GSDME: variants seen among roughly 807,000 people sequenced by gnomAD.
The protein encoded by GSDME is gasdermin E.
Under a neutral mutation model 47.5 loss-of-function variants are expected in GSDME, and 44 were observed. The ratio of observed to expected loss-of-function variants is 0.93; its 90% confidence interval spans 0.73 to 1.19. The LOEUF (loss-of-function observed/expected upper bound fraction) is 1.19, where lower values mean the gene tolerates loss of function less well. Ranked by LOEUF, GSDME falls within the 50% of genes most tolerant of loss-of-function variation. The pLI is 0.00. For missense variants in GSDME, 663 were observed against 604.2 expected (o/e 1.10, Z -1.02); for synonymous variants, 258 against 252.8 (o/e 1.02, Z -0.20).
At chr7:24,774,853 G>C in the GSDME span, among the ~76,000 whole-genome samples, 1 of 152,130 alleles carries the variant, frequency 6.6e-6, no homozygotes, top group Non-Finnish European at 1.5e-5. Flanking sequence ...TTTCTTTAGA[G>C]CTGATGCAGA....
rs1206819712 is a variant in GSDME at position 24,728,790 on chromosome 7, C to T, written c.405-9572G>A. 6.6e-6 allele frequency among the ~76,000 whole-genome samples: 1 copy of T among 152,224 alleles called. No homozygotes were observed. Among genetic ancestry groups the T allele is most frequent in the Non-Finnish European group, 1.5e-5 (1 of 68,052 alleles). ...CCACACATCAGAGATGCTCAGCCCA[C>T]AGCCGGGGGCAGGAAATCTCTAGAA... is the stretch of plus-strand genomic sequence containing the variant. On this transcript the variant is annotated intron_variant, in intron 3 of 9. Transcript: ENST00000645220. The surrounding 1 kb of genome is among the most constrained non-coding windows in gnomAD (Gnocchi z 7.2).
intron 3 of GSDME, among the ~76,000 whole-genome samples, chr7:24,720,223 A>C (rs1789726056): frequency 6.6e-6 from 1 of 152,246 alleles, no homozygotes; most frequent in Admixed American, 6.5e-5. Flanking sequence ...TTTACAGGAG[A>C]TGATTTCATG....
chr7:24,738,879 G>A (rs1790394952), intron 3 of GSDME, among the ~76,000 whole-genome samples: 1 of 152,138 alleles, frequency 6.6e-6, no homozygotes, highest in Admixed American at 6.5e-5. Flanking sequence ...GCATACATTG[G>A]GGAAAGGATA....
At chr7:24,723,751 T>C (rs1327016196) in intron 3 of GSDME, among the ~76,000 whole-genome samples, 3 of 152,246 alleles carry the variant, frequency 2.0e-5, no homozygotes, top group Non-Finnish European at 2.9e-5. Context: ...ACCCTTGGGC[T>C]GTACTAGGAA....
At chr7:24,792,652 G>A in the GSDME span, among the ~76,000 whole-genome samples, 1 of 152,136 alleles carries the variant, frequency 6.6e-6, no homozygotes, top group Non-Finnish European at 1.5e-5. Context: ...AGTTTGGTAG[G>A]GTTTTCCCCT....
Position 24,744,771 on chromosome 7 carries a change from G to A in GSDME, c.212-17C>T, listed in dbSNP as rs139651644. ...CCACGACCACTGGAATGGAGGAGAC[G>A]AGCAGAGGAAGCCGATGATGATAAG... On this transcript the variant is annotated splice_polypyrimidine_tract_variant and intron_variant, in intron 2 of 9. Transcript: ENST00000645220. The surrounding 1 kb of genome is among the most constrained non-coding windows in gnomAD (Gnocchi z 4.5). 1.9e-4 allele frequency: 310 copies of A among 1,613,636 alleles called. 1 individual carries two copies. In the East Asian group the frequency reaches 5.1e-3, roughly 26 times the overall value.
Position 24,720,681 on chromosome 7 carries a change from C to T in GSDME, c.405-1463G>A, listed in dbSNP as rs11973836. On this transcript the variant is annotated intron_variant, in intron 3 of 9. Transcript: ENST00000645220. ...CTGTAATCCCAGCACTTTGGGAGGCCGAGGCAGGTGGATCACCTGAGGTCG... is the reference window on the plus strand; with the variant it reads ...CTGTAATCCCAGCACTTTGGGAGGCTGAGGCAGGTGGATCACCTGAGGTCG... Among the ~76,000 whole-genome samples the T allele has an allele frequency of 3.7e-3, 563 of 152,228 alleles. 3 individuals are homozygous for T. The highest frequency in any genetic ancestry group is 0.031 in the Middle Eastern group (9 of 294).
upstream of GSDME, among the ~76,000 whole-genome samples, chr7:24,762,334 T>C (rs1051574911): frequency 6.6e-6 from 1 of 151,844 alleles, no homozygotes; most frequent in African/African-American, 2.4e-5. Context: ...CCATTGTTCA[T>C]GGAGAAACAT....
rs1487884841 is a variant in GSDME at position 24,705,753 on chromosome 7, A to G, written c.1183+431T>C. 1 of 321,242 alleles carries G rather than the reference A, an allele frequency of 3.1e-6. No individual in the cohort carries two copies. Among genetic ancestry groups the G allele is most frequent in the Admixed American group, 4.4e-5 (1 of 22,888 alleles). The allele number at this position is 321,242 out of a possible 1,614,324, so 19.9% of individuals were successfully genotyped here. On this transcript the variant is annotated intron_variant, in intron 8 of 9. Transcript: ENST00000645220. The surrounding 1 kb of genome is among the most constrained non-coding windows in gnomAD (Gnocchi z 4.1). ...TCTCCACAGCCCCCTTGCCCCAGACAGGAGCACGCAGGGTGGGGAATAACA... is the reference window on the plus strand; with the variant it reads ...TCTCCACAGCCCCCTTGCCCCAGACGGGAGCACGCAGGGTGGGGAATAACA...
chr7:24,707,823 G>T, intron 7 of GSDME: 1 of 541,286 alleles, frequency 1.8e-6, no homozygotes, highest in African/African-American at 1.9e-5. Flanking sequence ...AGATCCTCTG[G>T]GGGAAGTGTG....
chr7:24,723,547 C>G (rs920454438), intron 3 of GSDME, among the ~76,000 whole-genome samples: 2 of 152,160 alleles, frequency 1.3e-5, no homozygotes, highest in African/African-American at 4.8e-5. Flanking sequence ...TGGGTTTCTT[C>G]AACTGCTAAT....
rs532416392 is a variant in GSDME, at chr7:24,742,153, A to C, written c.404+2409T>G. Among the ~76,000 whole-genome samples the C allele has an allele frequency of 3.7e-4, 57 of 152,286 alleles. No homozygotes were observed. Among genetic ancestry groups the C allele is most frequent in the African/African-American group, 1.3e-3 (56 of 41,552 alleles). On this transcript the variant is annotated intron_variant, in intron 3 of 9. Coordinates refer to ENST00000645220, the MANE Select transcript of GSDME (RefSeq NM_001127453.2). The surrounding 1 kb of genome is among the most constrained non-coding windows in gnomAD (Gnocchi z 4.4). The stretch of plus-strand genomic sequence containing the variant: ...CATGTGCCTGCTCAGGATAGTTTCT[A>C]TTCCATGATTCACCCACCAAGTATC...
Position 24,728,269 on chromosome 7 carries a change from C to G in GSDME, c.405-9051G>C, listed in dbSNP as rs1790034352. Reference sequence around the variant, plus strand: ...GGCTGCCATTTAGGGACCAAGAGAACTTGAGCTGCCAGGACAGATGGCGGC... The same window carrying G: ...GGCTGCCATTTAGGGACCAAGAGAAGTTGAGCTGCCAGGACAGATGGCGGC... On this transcript the variant is annotated intron_variant, in intron 3 of 9. Coordinates refer to ENST00000645220, the MANE Select transcript of GSDME (RefSeq NM_001127453.2). This position sits in a 1 kb window ranked among gnomAD's most constrained non-coding sequence, Gnocchi z 7.2. Among the ~76,000 whole-genome samples, 4 of 152,316 alleles carry G rather than the reference C, an allele frequency of 2.6e-5. 1 individual carries two copies. The South Asian group carries it at 8.3e-4, about 32-fold the overall frequency.
At chr7:24,737,737 A>G (rs1378437725) in intron 3 of GSDME, among the ~76,000 whole-genome samples, 8 of 152,126 alleles carry the variant, frequency 5.3e-5, no homozygotes, top group Non-Finnish European at 7.4e-5. Flanking sequence ...AAAATCCTCA[A>G]CAAAATACTA....
intron 5 of GSDME, among the ~76,000 whole-genome samples, chr7:24,710,883 T>C (rs1026602763): frequency 1.3e-5 from 2 of 152,182 alleles, no homozygotes; most frequent in African/African-American, 4.8e-5. Context: ...AAAATACTGA[T>C]GTCTGCAGTT....
the GSDME span, among the ~76,000 whole-genome samples, chr7:24,785,272 T>C: frequency 1.3e-5 from 2 of 152,178 alleles, no homozygotes; most frequent in African/African-American, 4.8e-5. Context: ...TTAAAAAAAA[T>C]TGCAGATCCT....
chr7:24,785,723 G>A, the GSDME span, among the ~76,000 whole-genome samples: 2 of 152,190 alleles, frequency 1.3e-5, no homozygotes, highest in South Asian at 4.1e-4. Flanking sequence ...CCAAAGTGCT[G>A]GGATTACAGG....
intron 2 of GSDME, among the ~76,000 whole-genome samples, chr7:24,748,370 G>T (rs966398644): frequency 3.3e-5 from 5 of 151,496 alleles, no homozygotes; most frequent in African/African-American, 1.2e-4. Context: ...ATGTTGGCCA[G>T]GCTGGTCTTG....
At chr7:24,760,214 C>T (rs1309739068), upstream of GSDME, among the ~76,000 whole-genome samples, 1 of 152,196 alleles carries the variant, frequency 6.6e-6, no homozygotes, top group East Asian at 1.9e-4. The surrounding 1 kb of genome is among the most constrained non-coding windows in gnomAD (Gnocchi z 4.2). Context: ...TGCCTAGATT[C>T]TTGCTAAGGA....
Sources: gnomAD v4.1 joint callset for allele counts (sites outside exome capture counted in the v4.1 genomes callset) on GRCh38, gnomAD v4.1.1 for gene constraint, Gnocchi (gnomAD v3.1) non-coding constraint, MANE v1.5 for transcripts, NCBI Gene and HGNC (gene_info 2026-07-23, HGNC 2026-07-21) for gene names.